Variants in TAF4B observed in about 807,000 individuals in gnomAD.
The protein encoded by TAF4B is transcription initiation factor TFIID subunit 4B.
TAF4B carries 38 observed loss-of-function variants against 86.4 expected under a neutral mutation model. The ratio of observed to expected loss-of-function variants is 0.44; its 90% confidence interval spans 0.34 to 0.58. The LOEUF (loss-of-function observed/expected upper bound fraction) is 0.58. TAF4B is among the 20% of genes least tolerant of loss of function. TAF4B has a pLI of 0.02. For synonymous variants in TAF4B, 388 were observed against 391.2 expected, an observed-to-expected ratio of 0.99 and a Z score of 0.10; for missense variants, 988 against 1,027.6, an observed-to-expected ratio of 0.96 and a Z score of 0.53.
rs1046665574 is a variant in TAF4B, at chr18:26,264,690, A to G, written c.344-480A>G. Among the ~76,000 whole-genome samples the G allele has an allele frequency of 1.3e-4, 20 of 152,216 alleles. 1 individual carries two copies. Among genetic ancestry groups the G allele is most frequent in the Admixed American group, 1.2e-3 (18 of 15,280 alleles). ...ATAATTTTAAAGGGCTCACATTTAC[A>G]TATATTTTTCTTTCTCAAATTTTAT... On this transcript the variant is annotated intron_variant, in intron 1 of 14. Transcript: ENST00000269142.
Position 26,315,147 on chromosome 18 carries a change from T to TACACA in TAF4B, c.1833-82_1833-81insACACA, listed in dbSNP as rs1568148017. On this transcript the variant is annotated intron_variant, in intron 9 of 14. Coordinates refer to ENST00000269142, the MANE Select transcript of TAF4B (RefSeq NM_005640.3). ...CTCTCTCTCTCTCTCTCTCTCTCTGTCTCTCTCTCTCTCTCACACACACAC... is the reference window on the plus strand; with the variant it reads ...CTCTCTCTCTCTCTCTCTCTCTCTGTACACACTCTCTCTCTCTCTCACACACACAC... 31 of 325,070 alleles carry TACACA rather than the reference T, an allele frequency of 9.5e-5. 1 individual carries two copies. In the African/African-American group the frequency reaches 2.4e-3, roughly 25 times the overall value. The allele number at this position is 325,070 out of a possible 1,614,324, so 20.1% of individuals were successfully genotyped here.
At chr18:26,296,226 C>T (rs1371455541) in intron 9 of TAF4B, among the ~76,000 whole-genome samples, 1 of 152,004 alleles carries the variant, frequency 6.6e-6, no homozygotes, top group African/African-American at 2.4e-5. Context: ...CTAAATTTTC[C>T]CCTTTTGCAT....
intron 6 of TAF4B, among the ~76,000 whole-genome samples, chr18:26,283,349 T>C (rs772278356): frequency 5.3e-5 from 8 of 152,194 alleles, no homozygotes; most frequent in Non-Finnish European, 1.2e-4. Context: ...AAGACAATAA[T>C]GATCTCCTTG....
At chr18:26,237,476 C>T (rs776214099) in intron 1 of TAF4B, among the ~76,000 whole-genome samples, 4 of 151,994 alleles carry the variant, frequency 2.6e-5, no homozygotes, top group African/African-American at 4.8e-5. Context: ...GGGATGTAAC[C>T]GATAGCCTGG....
intron 1 of TAF4B, among the ~76,000 whole-genome samples, chr18:26,228,687 C>T (rs117724319): frequency 0.014 from 2,077 of 151,546 alleles, 31 homozygotes; most frequent in Non-Finnish European, 0.021. Flanking sequence ...CGCTTGAACC[C>T]GGGAGGTGGA....
intron 9 of TAF4B, among the ~76,000 whole-genome samples, chr18:26,300,466 GTTTT>G (rs138242428): frequency 1.7e-5 from 2 of 119,340 alleles, no homozygotes; most frequent in African/African-American, 3.0e-5. Context: ...TATAGGGTGT[GTTTT>G]TTTTTTTTTT....
rs541304849 is a variant in TAF4B, at chr18:26,263,267, G to A, written c.344-1903G>A. Among the ~76,000 whole-genome samples the A allele has an allele frequency of 3.9e-5, 6 of 152,188 alleles. No homozygotes were observed. The South Asian group carries it at 1.2e-3, about 32-fold the overall frequency. ...CCATGCCTGGCCAATAATTACTTTA[G>A]GTTAGAAATACTGAGTTACAGGATA... On this transcript the variant is annotated intron_variant, in intron 1 of 14. Coordinates refer to ENST00000269142, the MANE Select transcript of TAF4B (RefSeq NM_005640.3).
At chr18:26,293,656 A>G (rs2056625101) in intron 9 of TAF4B, 125 bp downstream of exon 9, 4 of 572,094 alleles carry the variant, frequency 7.0e-6, no homozygotes, top group Non-Finnish European at 1.2e-5. Context: ...ACAGTACTTT[A>G]TTGAGTATAA....
intron 1 of TAF4B, among the ~76,000 whole-genome samples, chr18:26,235,348 G>A (rs1355508436): frequency 6.6e-6 from 1 of 152,158 alleles, no homozygotes; most frequent in East Asian, 1.9e-4. Flanking sequence ...GCAAGGATAA[G>A]CCAGTATAGG....
chr18:26,288,494 G>A (rs2056554267), intron 7 of TAF4B, among the ~76,000 whole-genome samples: 1 of 152,124 alleles, frequency 6.6e-6, no homozygotes, highest in Non-Finnish European at 1.5e-5. Flanking sequence ...AATTAGCCAG[G>A]TGTGGTGGTG....
At chr18:26,334,440 A>G (rs893110611) in intron 12 of TAF4B, among the ~76,000 whole-genome samples, 11 of 152,234 alleles carry the variant, frequency 7.2e-5, no homozygotes, top group Non-Finnish European at 1.0e-4. Flanking sequence ...AAAAAAGGAT[A>G]TACGTATCCC....
intron 1 of TAF4B, among the ~76,000 whole-genome samples, chr18:26,251,658 A>T (rs1041407274): frequency 6.6e-6 from 1 of 152,226 alleles, no homozygotes; most frequent in African/African-American, 2.4e-5. Context: ...CCATTCTTTT[A>T]TGATTGGAAA....
intron 14 of TAF4B, among the ~76,000 whole-genome samples, chr18:26,374,290 A>C (rs189210645): frequency 2.6e-5 from 4 of 152,314 alleles, no homozygotes; most frequent in Admixed American, 2.6e-4. Flanking sequence ...GTCCAGCTTT[A>C]AGATAATTTC....
intron 1 of TAF4B, among the ~76,000 whole-genome samples, chr18:26,246,890 G>C (rs1463409761): frequency 1.3e-5 from 2 of 148,950 alleles, no homozygotes; most frequent in African/African-American, 5.0e-5. Flanking sequence ...CACTCTTGTT[G>C]CCCAGGTTGG....
At chr18:26,273,978 G>A (rs4800733) in intron 3 of TAF4B, among the ~76,000 whole-genome samples, 5,394 of 152,190 alleles carry the variant, frequency 0.035, 174 homozygotes, top group Admixed American at 0.1. Context: ...AACTTTTAGT[G>A]TTTGTCTTTA....
At chr18:26,305,154 T>A (rs1179115056) in intron 9 of TAF4B, among the ~76,000 whole-genome samples, 4 of 152,244 alleles carry the variant, frequency 2.6e-5, no homozygotes, top group Non-Finnish European at 5.9e-5. Flanking sequence ...ATGTGCCTTC[T>A]GTATCTTCTT....
chr18:26,268,133 AG>A (rs528606526), intron 3 of TAF4B, among the ~76,000 whole-genome samples: 5 of 152,160 alleles, frequency 3.3e-5, no homozygotes, highest in Non-Finnish European at 7.4e-5. Flanking sequence ...CCTTTGGGCA[AG>A]GTGATCCTCT....
At chr18:26,252,845 ATTAG>A (rs2056026858) in intron 1 of TAF4B, among the ~76,000 whole-genome samples, 1 of 149,838 alleles carries the variant, frequency 6.7e-6, no homozygotes, top group African/African-American at 2.4e-5. Flanking sequence ...ATATTTTATT[ATTAG>A]TTATTGTTGC....
chr18:26,315,148 C>CTCTCTCTCTG, intron 9 of TAF4B, 81 bp from the exon 10 acceptor site: 1 of 394,132 alleles, frequency 2.5e-6, no homozygotes, highest in Non-Finnish European at 3.8e-6. Context: ...CTCTCTCTGT[C>CTCTCTCTCTG]TCTCTCTCTC....
Sources: gnomAD v4.1 joint callset for allele counts (sites outside exome capture counted in the v4.1 genomes callset) on GRCh38, gnomAD v4.1.1 for gene constraint, MANE v1.5 for transcripts, NCBI Gene and HGNC (gene_info 2026-07-23, HGNC 2026-07-21) for gene names.